The following TLE1 variants were observed in gnomAD, a reference collection of about 807,000 sequenced individuals.
TLE1 encodes the protein TLE family member 1, transcriptional corepressor, also known as transducin-like enhancer protein 1.
TLE1 carries 21 observed loss-of-function variants against 89.8 expected under a neutral mutation model. The ratio of observed to expected loss-of-function variants is 0.23; its 90% CI spans 0.17 to 0.34. The LOEUF is 0.34. Ranked by LOEUF, TLE1 falls within the 10% of genes least tolerant of loss-of-function variation. TLE1 has a pLI of 1.00. For synonymous variants in TLE1, 447 were observed against 407.6 expected (o/e 1.10, Z -1.16); for missense variants, 795 against 1,031.2 (o/e 0.77, Z 3.14).
At chr9:81,636,188 T>C (rs1014060275) in intron 6 of TLE1, among the ~76,000 whole-genome samples, 1 of 152,142 alleles carries the variant, frequency 6.6e-6, no homozygotes, top group African/African-American at 2.4e-5. Context: ...TAACAATTTC[T>C]TTATGCATAA....
intron 4 of TLE1, among the ~76,000 whole-genome samples, chr9:81,684,518 G>A (rs1157574568): frequency 2.6e-5 from 4 of 152,152 alleles, no homozygotes; most frequent in African/African-American, 9.7e-5. Context: ...AGTTACAAAA[G>A]CAGAATTCAA....
chr9:81,665,931 A>T (rs772065570), intron 4 of TLE1, among the ~76,000 whole-genome samples: 2 of 151,422 alleles, frequency 1.3e-5, no homozygotes, highest in Non-Finnish European at 2.9e-5. Flanking sequence ...CTGTTTGTGT[A>T]AATTTTTCCC....
At chr9:81,652,866 C>T (rs1466528086) in intron 5 of TLE1, among the ~76,000 whole-genome samples, 1 of 152,068 alleles carries the variant, frequency 6.6e-6, no homozygotes, top group East Asian at 1.9e-4. Flanking sequence ...TCTGATCAAC[C>T]AATCTTGACC....
Position 81,611,795 on chromosome 9 carries a change from C to T in TLE1, c.1228G>A (p.Val410Met), listed in dbSNP as rs1430696056. The change falls in exon 13 of 20, where the codon GTG becomes ATG. Residue 410 changes from valine to methionine, a missense_variant. Physicochemically the swap from Val to Met is conservative, Grantham distance 21. Around this residue, in one of 4 missense-constraint regions of TLE1, gnomAD observed 468 missense variants for 509.1 expected, o/e 0.92. Transcript: ENST00000376499. ...QMSAAAAAAA[V>M]VAYGRSPMVG... ...ATGGGGGAGCGCCCGTAGGCCACCA[C>T]GGCGGCCGCGGCGGCTGCGGCGCTC... 11 of 1,544,588 alleles carry T rather than the reference C, an allele frequency of 7.1e-6. No individual in the cohort carries two copies. Among genetic ancestry groups the T allele is most frequent in the African/African-American group, 1.4e-5 (1 of 69,828 alleles).
chr9:81,611,409 G>A (rs1823692065), intron 13 of TLE1, among the ~76,000 whole-genome samples: 1 of 152,092 alleles, frequency 6.6e-6, no homozygotes, highest in Admixed American at 6.5e-5. Flanking sequence ...TGAATGAAAA[G>A]GCTTCTGTGA....
intron 19 of TLE1, 67 bp from the exon 20 acceptor site, chr9:81,584,372 G>A (rs190878847): frequency 1.1e-5 from 17 of 1,606,524 alleles, no homozygotes; most frequent in Admixed American, 6.7e-5. Context: ...CTGCTCCCTC[G>A]GAGGCACCTT....
At chr9:81,646,254 G>A (rs1419970653) in intron 6 of TLE1, among the ~76,000 whole-genome samples, 1 of 152,326 alleles carries the variant, frequency 6.6e-6, no homozygotes, top group South Asian at 2.1e-4. Context: ...TTTGTCAGGC[G>A]CCTAGTTGTG....
In TLE1 at chr9:81,685,842, G is replaced by A. The variant is rs889910066; in HGVS notation, c.180C>T (p.His60=). 1 of 1,614,030 alleles carries A rather than the reference G, an allele frequency of 6.2e-7. No individual in the cohort carries two copies. The highest frequency in any genetic ancestry group is 1.3e-5 in the African/African-American group (1 of 75,046). The change falls in exon 3 of 20, where the codon CAC becomes CAT. Residue 60 remains histidine, a synonymous_variant. Transcript: ENST00000376499. Reference sequence around the variant, plus strand: ...AATCTTTGATACCTACCATCACATAGTGCCTCTGCATTTCTGTCTTTTCAC... The same window carrying A: ...AATCTTTGATACCTACCATCACATAATGCCTCTGCATTTCTGTCTTTTCAC... ...LASEKTEMQR[H]YVMYYEMSYG... is the part of the protein sequence containing the mutation.
intron 4 of TLE1, among the ~76,000 whole-genome samples, chr9:81,659,268 T>A (rs978581036): frequency 1.3e-5 from 2 of 152,206 alleles, no homozygotes; most frequent in Non-Finnish European, 2.9e-5. Context: ...CAGGTTAACC[T>A]GGGTATTTGA....
Position 81,613,536 on chromosome 9 carries a change from C to G in TLE1, c.919-15G>C. ...GCTTTTTCATGCTGGTGTCATTAAA[C>G]AAATTAAATGAGTATTATTTTTAAT... On this transcript the variant is annotated splice_polypyrimidine_tract_variant and intron_variant, in intron 11 of 19. Coordinates refer to ENST00000376499, the MANE Select transcript of TLE1 (RefSeq NM_005077.5). 6.2e-7 allele frequency: 1 copy of G among 1,613,322 alleles called. No individual in the cohort carries two copies.
intron 9 of TLE1, among the ~76,000 whole-genome samples, chr9:81,616,978 A>T (rs1587984219): frequency 6.6e-6 from 1 of 152,288 alleles, no homozygotes; most frequent in Non-Finnish European, 1.5e-5. Context: ...GCAAGTTGCA[A>T]ATACTTGGCA....
chr9:81,584,447 C>A lies in TLE1; in HGVS notation c.2205+1G>T. ...GATCTAGGTGAGGAGTACTTACTCA[C>A]CTGGAATATGCTGGCTCCATAGGGG... On this transcript the variant is annotated splice_donor_variant, in intron 19 of 19. Coordinates refer to ENST00000376499, the MANE Select transcript of TLE1 (RefSeq NM_005077.5). LOFTEE classifies it high-confidence loss of function. 1 of 1,614,020 alleles carries A rather than the reference C, an allele frequency of 6.2e-7. No homozygotes were observed. Among genetic ancestry groups the A allele is most frequent in the Non-Finnish European group, 8.5e-7 (1 of 1,179,990 alleles).
rs542572781 is a variant in TLE1, at chr9:81,655,166, C to G, written c.235-1130G>C. Among the ~76,000 whole-genome samples the G allele has an allele frequency of 2.2e-4, 33 of 152,120 alleles. No homozygotes were observed. In the South Asian group the frequency reaches 6.9e-3, roughly 32 times the overall value. ...GGATTATGAGGTCAGGAGTTCAAGA[C>G]CAGCCTAGCCAAGATGGTGAAACCC... is the stretch of plus-strand genomic sequence containing the variant. On this transcript the variant is annotated intron_variant, in intron 4 of 19. Transcript: ENST00000376499.
intron 4 of TLE1, 92 bp from the exon 5 acceptor site, chr9:81,654,128 T>C (rs1157193032): frequency 2.6e-6 from 3 of 1,144,450 alleles, no homozygotes; most frequent in South Asian, 2.6e-5. Context: ...AGTCCTCCTC[T>C]CCCTTGCTCT....
intron 8 of TLE1, among the ~76,000 whole-genome samples, chr9:81,630,767 C>T (rs1826484352): frequency 6.6e-6 from 1 of 152,158 alleles, no homozygotes; most frequent in Non-Finnish European, 1.5e-5. Context: ...TAGATAAGTA[C>T]TATAATATTT....
At position 81,635,317 on chromosome 9, in the gene TLE1, T is replaced by A. The variant is rs529939311; in HGVS notation, c.373-1016A>T. ...GGACCGTGGATGAGGAAAGCACTTATGTGTGGGACTCCAGCCAGCGAGCCA... is the reference window on the plus strand; with the variant it reads ...GGACCGTGGATGAGGAAAGCACTTAAGTGTGGGACTCCAGCCAGCGAGCCA... On this transcript the variant is annotated intron_variant, in intron 6 of 19. Transcript: ENST00000376499. 3.3e-5 allele frequency among the ~76,000 whole-genome samples: 5 copies of A among 152,308 alleles called. No homozygotes were observed. In the East Asian group the frequency reaches 9.7e-4, roughly 29 times the overall value.
chr9:81,618,397 G>T (rs1824822042), intron 9 of TLE1, among the ~76,000 whole-genome samples: 1 of 152,064 alleles, frequency 6.6e-6, no homozygotes, highest in Non-Finnish European at 1.5e-5. Flanking sequence ...GGTCTTAAAT[G>T]ATTTATTTCC....
intron 14 of TLE1, among the ~76,000 whole-genome samples, chr9:81,601,383 T>G (rs1171716220): frequency 6.6e-6 from 1 of 152,224 alleles, no homozygotes; most frequent in Non-Finnish European, 1.5e-5. Flanking sequence ...AAAAAGGTAC[T>G]TTAAAGATTT....
intron 14 of TLE1, among the ~76,000 whole-genome samples, chr9:81,597,077 T>C (rs1230101724): frequency 6.6e-6 from 1 of 152,176 alleles, no homozygotes; most frequent in Non-Finnish European, 1.5e-5. Context: ...CTACGTCAAC[T>C]GCGGTCTTGC....
Sources: allele counts gnomAD v4.1 joint callset (sites outside exome capture counted in the v4.1 genomes callset), GRCh38; gene constraint gnomAD v4.1.1; regional missense constraint gnomAD v4.1.1; transcripts MANE v1.5; gene names NCBI Gene and HGNC (gene_info 2026-07-23, HGNC 2026-07-21).